SWT1: variants seen among roughly 807,000 people sequenced by gnomAD.
SWT1 encodes the protein transcriptional protein SWT1.
In SWT1, 33 loss-of-function variants were observed where a neutral mutation model predicts 107.3. That is an observed-to-expected ratio of 0.31 (90% CI 0.23 to 0.41). SWT1 has a LOEUF of 0.41. SWT1 is among the 10% of genes least tolerant of loss of function. The probability of loss-of-function intolerance (pLI) is 1.00; values close to 1 mark genes in which losing one functional copy is unlikely to be tolerated. For synonymous variants in SWT1, 345 were observed against 348.3 expected (o/e 0.99, Z 0.11); for missense variants, 898 against 1,028.9 (o/e 0.87, Z 1.74).
At position 185,175,044 on chromosome 1, in the gene SWT1, G is replaced by A; in HGVS notation, c.897G>A (p.Glu299=). The change falls in exon 5 of 19, where the codon GAG becomes GAA. Residue 299 remains glutamate (E), a synonymous_variant. Transcript: ENST00000367500. ...TTACATATAAGCGGACTGTTCATGA[G>A]TGGAAACGAAAACATCATTATGACC... The part of the protein sequence containing the change: ...SDFTYKRTVH[E]WKRKHHYDHQ... The A allele has an allele frequency of 6.2e-7, 1 of 1,600,200 alleles. No homozygotes were observed. The highest frequency in any genetic ancestry group is 8.5e-7 in the Non-Finnish European group (1 of 1,174,780).
chr1:185,264,381 A>C, intron 16 of SWT1: 1 of 985,350 alleles, frequency 1.0e-6, no homozygotes, highest in Non-Finnish European at 1.2e-6. Context: ...GAGATGCCTT[A>C]TGAGAAGAGA....
In SWT1 at chr1:185,231,611, G is replaced by T; in HGVS notation, c.2344G>T (p.Ala782Ser). Reference protein sequence around the residue: ...DVFQRLGSNSALTTSNIASFE... With the variant: ...DVFQRLGSNSSLTTSNIASFE... ...ATTTCAAAGATTGGGCTCAAATTCA[G>T]CTCTGACTACTTCAAATATAGCATC... Residue 782 changes from alanine (A) to serine (S), a missense_variant, in exon 16 of 19, where the codon GCT becomes TCT. Transcript: ENST00000367500. 6.2e-7 allele frequency: 1 copy of T among 1,610,842 alleles called. No individual in the cohort carries two copies. The highest frequency in any genetic ancestry group is 8.5e-7 in the Non-Finnish European group (1 of 1,177,716).
chr1:185,179,917 G>A (rs996524177), intron 5 of SWT1, among the ~76,000 whole-genome samples: 2 of 152,186 alleles, frequency 1.3e-5, no homozygotes, highest in African/African-American at 2.4e-5. Context: ...CTGGCACTAC[G>A]GCTCACGCCT....
chr1:185,287,113 CATTCTTGG>C (rs1664992514), intron 18 of SWT1, among the ~76,000 whole-genome samples: 1 of 152,126 alleles, frequency 6.6e-6, no homozygotes, highest in Non-Finnish European at 1.5e-5. Flanking sequence ...TTATAGACCT[CATTCTTGG>C]ATTTTGGAAA....
intron 3 of SWT1, among the ~76,000 whole-genome samples, chr1:185,167,530 G>A (rs1415510386): frequency 6.6e-6 from 1 of 152,140 alleles, no homozygotes; most frequent in East Asian, 1.9e-4. Flanking sequence ...TAATTAAGCT[G>A]CGGTTTCTAT....
In SWT1 at chr1:185,205,078, C is replaced by G. The variant is rs1286452495; in HGVS notation, c.1833+215C>G. ...TATGTTATTCTTTTTTTTGAGCAAA[C>G]AGATATTTATTTTGCATCTGCTGTG... On this transcript the variant is annotated intron_variant, in intron 12 of 18. Transcript: ENST00000367500. 2.0e-5 allele frequency among the ~76,000 whole-genome samples: 3 copies of G among 151,794 alleles called. No homozygotes were observed. The East Asian group carries it at 5.8e-4, about 29-fold the overall frequency.
intron 16 of SWT1, among the ~76,000 whole-genome samples, chr1:185,253,138 C>T (rs1571622841): frequency 6.9e-6 from 1 of 145,034 alleles, no homozygotes; most frequent in East Asian, 2.0e-4. Context: ...TTCCATTGAT[C>T]TATATCTCTG....
intron 2 of SWT1, among the ~76,000 whole-genome samples, chr1:185,163,131 G>A (rs995554895): frequency 7.9e-5 from 12 of 152,096 alleles, no homozygotes; most frequent in Non-Finnish European, 1.5e-4. Context: ...CTGTGGCAGC[G>A]TCTTAAGACA....
Position 185,174,973 on chromosome 1 carries a change from T to G in SWT1, c.826T>G (p.Ser276Ala), listed in dbSNP as rs751115659. The G allele has an allele frequency of 1.2e-6, 2 of 1,614,030 alleles. No individual in the cohort carries two copies. Among genetic ancestry groups the G allele is most frequent in the East Asian group, 4.5e-5 (2 of 44,850 alleles). The part of the protein sequence containing the change: ...EREYLESSQV[S>A]LNVTRQKTEH... ...AGAATACCTGGAAAGCTCCCAGGTTTCATTAAATGTGACTAGGCAGAAAAC... is the reference window on the plus strand; with the variant it reads ...AGAATACCTGGAAAGCTCCCAGGTTGCATTAAATGTGACTAGGCAGAAAAC... The change falls in exon 5 of 19, where the codon TCA becomes GCA. Residue 276 changes from serine to alanine, a missense_variant. By Grantham distance (99) the Ser-to-Ala change is moderately conservative. Coordinates refer to ENST00000367500, the MANE Select transcript of SWT1 (RefSeq NM_017673.7).
intron 17 of SWT1, among the ~76,000 whole-genome samples, chr1:185,275,008 C>T (rs982817424): frequency 1.3e-5 from 2 of 152,022 alleles, no homozygotes; most frequent in Non-Finnish European, 2.9e-5. Context: ...CAGCTGTGTT[C>T]TTGGATAAAT....
rs1457201162 is a variant in SWT1 at position 185,184,228 on chromosome 1, G to A, written c.1139-15G>A. ...TGTTATCAAGTGTCATGAAATATTT[G>A]CTCTTTTTCTTTAGCAAATAATACT... On this transcript the variant is annotated splice_polypyrimidine_tract_variant and intron_variant, in intron 7 of 18. Transcript: ENST00000367500. The A allele has an allele frequency of 7.7e-7, 1 of 1,291,400 alleles. No individual in the cohort carries two copies. Among genetic ancestry groups the A allele is most frequent in the Non-Finnish European group, 1.1e-6 (1 of 913,868 alleles). 80.0% of individuals were successfully genotyped at this position (1,291,400 alleles called of 1,614,324 possible).
chr1:185,244,490 T>TA (rs762816143), intron 16 of SWT1, among the ~76,000 whole-genome samples: 19 of 151,570 alleles, frequency 1.3e-4, no homozygotes, highest in South Asian at 4.2e-4. Context: ...GTATAAAAGA[T>TA]AAAAAAAAGG....
chr1:185,164,718 A>G (rs1184864430), intron 2 of SWT1, among the ~76,000 whole-genome samples: 1 of 152,212 alleles, frequency 6.6e-6, no homozygotes, highest in Non-Finnish European at 1.5e-5. Context: ...GAAGAGAGTT[A>G]GGGCCTAGCT....
chr1:185,218,336 C>T (rs1444194270), intron 14 of SWT1, among the ~76,000 whole-genome samples: 3 of 152,064 alleles, frequency 2.0e-5, no homozygotes, highest in Admixed American at 6.6e-5. Context: ...GACAGGGTCT[C>T]GCTTTGTAGC....
At chr1:185,175,881 G>C (rs781269902) in intron 5 of SWT1, among the ~76,000 whole-genome samples, 1 of 152,164 alleles carries the variant, frequency 6.6e-6, no homozygotes, top group African/African-American at 2.4e-5. Context: ...AGTGAAGAGA[G>C]ACACAAGCAA....
chr1:185,245,247 T>C (rs989578613), intron 16 of SWT1, among the ~76,000 whole-genome samples: 2 of 152,216 alleles, frequency 1.3e-5, no homozygotes, highest in Non-Finnish European at 1.5e-5. Flanking sequence ...TATTTATTTT[T>C]TACTTTTTAA....
chr1:185,243,229 C>T (rs1424400963), intron 16 of SWT1, among the ~76,000 whole-genome samples: 2 of 152,154 alleles, frequency 1.3e-5, no homozygotes, highest in Admixed American at 6.5e-5. Context: ...TCACCTCAGC[C>T]TCTGGAGTAC....
At chr1:185,255,488 G>T (rs1439085790) in intron 16 of SWT1, among the ~76,000 whole-genome samples, 4 of 130,094 alleles carry the variant, frequency 3.1e-5, no homozygotes, top group African/African-American at 9.9e-5. Context: ...TATATATTTA[G>T]GATAGTTAGC....
Position 185,204,721 on chromosome 1 carries a change from G to A in SWT1, c.1691G>A (p.Ser564Asn). ...AAAGAAACAACACCCTTGAAAGAGA[G>A]CTATAAGGAGGAATCTACAAATTCT... ...LKAETTPLKE[S>N]YKEESTNSGL... Residue 564 changes from serine (S) to asparagine (N), a missense_variant, in exon 12 of 19, where the codon AGC (serine) becomes AAC (asparagine). This residue lies in a region of SWT1 where 382 missense variants were observed against 460.0 expected (regional missense o/e 0.83). Coordinates refer to ENST00000367500, the MANE Select transcript of SWT1 (RefSeq NM_017673.7). 1 of 1,587,668 alleles carries A rather than the reference G, an allele frequency of 6.3e-7. No homozygotes were observed. Among genetic ancestry groups the A allele is most frequent in the Non-Finnish European group, 8.5e-7 (1 of 1,170,552 alleles).
Sources: gnomAD v4.1 joint callset for allele counts (sites outside exome capture counted in the v4.1 genomes callset) on GRCh38, gnomAD v4.1.1 for gene constraint, gnomAD v4.1.1 regional missense constraint, MANE v1.5 for transcripts, NCBI Gene and HGNC (gene_info 2026-07-23, HGNC 2026-07-21) for gene names.